The following UTRN variants were observed in gnomAD, a reference collection of about 807,000 sequenced individuals.
The protein encoded by UTRN is utrophin.
In UTRN, 283 loss-of-function variants were observed where a neutral mutation model predicts 463.9. That is an observed-to-expected ratio of 0.61 (90% CI 0.55 to 0.67). UTRN has a LOEUF of 0.67. Ranked by LOEUF, UTRN falls within the 30% of genes least tolerant of loss-of-function variation. UTRN has a pLI of 0.00. For missense variants in UTRN, 3,922 were observed against 4,084.3 expected (o/e 0.96, Z 1.08); for synonymous variants, 1,442 against 1,431.5 (o/e 1.01, Z -0.17).
At chr6:144,480,188 C>T (rs564334129) in intron 26 of UTRN, among the ~76,000 whole-genome samples, 1 of 152,276 alleles carries the variant, frequency 6.6e-6, no homozygotes, top group East Asian at 1.9e-4. Flanking sequence ...TGGCTTGGCC[C>T]ATGAGTTGAG....
At position 144,447,765 on chromosome 6, in the gene UTRN, A is replaced by C; in HGVS notation, c.1886A>C (p.Glu629Ala). Residue 629 changes from glutamate (E) to alanine (A), a missense_variant, in exon 16 of 75, where the codon GAA (glutamate) becomes GCA (alanine). Around this residue, in one of 3 missense-constraint regions of UTRN, gnomAD observed 2,349 missense variants for 2,303.8 expected, o/e 1.02. Coordinates refer to ENST00000367545, the MANE Select transcript of UTRN (RefSeq NM_007124.3). The stretch of plus-strand genomic sequence containing the variant: ...TGGGATTCTTTGGTTCAGAGACTAG[A>C]AGATTCCTCCAACCAGGTACTTTTT... Reference protein sequence around the residue: ...QRWDSLVQRLEDSSNQVTQAV... With the variant: ...QRWDSLVQRLADSSNQVTQAV... 1.2e-6 allele frequency: 2 copies of C among 1,611,816 alleles called. No individual in the cohort carries two copies. Among genetic ancestry groups the C allele is most frequent in the South Asian group, 2.2e-5 (2 of 90,490 alleles).
At chr6:144,668,995 A>G (rs1170951805) in intron 51 of UTRN, among the ~76,000 whole-genome samples, 2 of 152,188 alleles carry the variant, frequency 1.3e-5, no homozygotes, top group African/African-American at 2.4e-5. Flanking sequence ...ATAGCCATGG[A>G]GACTCACACC....
At chr6:144,295,534 G>A (rs1804603158) in intron 2 of UTRN, among the ~76,000 whole-genome samples, 1 of 152,216 alleles carries the variant, frequency 6.6e-6, no homozygotes, top group South Asian at 2.1e-4. Context: ...TTCTTCAAGC[G>A]ACCTTGGGCT....
chr6:144,450,485 A>G (rs1399787937), intron 17 of UTRN, among the ~76,000 whole-genome samples: 15 of 152,202 alleles, frequency 9.9e-5, no homozygotes, highest in Admixed American at 9.8e-4. Context: ...GAAGCCATCC[A>G]TGCCCCAATT....
chr6:144,321,270 A>G (rs1485303428), intron 2 of UTRN, among the ~76,000 whole-genome samples: 1 of 152,136 alleles, frequency 6.6e-6, no homozygotes, highest in South Asian at 2.1e-4. Context: ...GTTTGTCTAT[A>G]TACATACATA....
chr6:144,510,875 A>G, intron 34 of UTRN, 69 bp from the exon 35 acceptor site: 1 of 1,320,118 alleles, frequency 7.6e-7, no homozygotes, highest in Non-Finnish European at 9.9e-7. Flanking sequence ...GTTTTTAATA[A>G]TTTAAGGTTG....
Position 144,391,064 on chromosome 6 carries a change from A to G in UTRN, c.80-12059A>G, listed in dbSNP as rs112264366. On this transcript the variant is annotated intron_variant, in intron 2 of 74. Coordinates refer to ENST00000367545, the MANE Select transcript of UTRN (RefSeq NM_007124.3). Reference sequence around the variant, plus strand: ...ACAACAAACATAACAAAGAGTTGGAAATATTCCCAGTTCTTTTTTTTTTTT... The same window carrying G: ...ACAACAAACATAACAAAGAGTTGGAGATATTCCCAGTTCTTTTTTTTTTTT... Among the ~76,000 whole-genome samples the G allele has an allele frequency of 8.3e-3, 1,256 of 152,222 alleles. 17 individuals are homozygous for G. Among genetic ancestry groups the G allele is most frequent in the African/African-American group, 0.028 (1,169 of 41,552 alleles).
At chr6:144,621,553 A>G (rs142362297) in intron 51 of UTRN, among the ~76,000 whole-genome samples, 11 of 152,162 alleles carry the variant, frequency 7.2e-5, no homozygotes, top group African/African-American at 2.2e-4. Context: ...CTCTTCTCAG[A>G]TTTGTATATT....
At chr6:144,660,917 A>T (rs1165162903) in intron 51 of UTRN, among the ~76,000 whole-genome samples, 1 of 152,208 alleles carries the variant, frequency 6.6e-6, no homozygotes. Context: ...CACAATCTAG[A>T]TGGAGTCTAG....
chr6:144,819,511 A>G lies in UTRN; in HGVS notation c.9358-1371A>G, dbSNP rs188165915. 3.3e-5 allele frequency among the ~76,000 whole-genome samples: 5 copies of G among 152,220 alleles called. No individual in the cohort carries two copies. In the East Asian group the frequency reaches 9.7e-4, roughly 30 times the overall value. ...GGAGTTTGAGACCAGCCTGGCCAAC[A>G]TGGTGAAACCCCGTCTACTAAAAAT... On this transcript the variant is annotated intron_variant, in intron 65 of 74. Transcript: ENST00000367545.
At chr6:144,402,946 T>C (rs1052316839) in intron 2 of UTRN, among the ~76,000 whole-genome samples, 177 bp from the exon 3 acceptor site, 2 of 152,074 alleles carry the variant, frequency 1.3e-5, no homozygotes, top group Non-Finnish European at 2.9e-5. Flanking sequence ...AGTGTTGGGC[T>C]CCATAAGTGT....
intron 19 of UTRN, among the ~76,000 whole-genome samples, chr6:144,458,482 C>A (rs1789095585): frequency 6.6e-6 from 1 of 152,100 alleles, no homozygotes; most frequent in South Asian, 2.1e-4. Context: ...AGAAGCATGG[C>A]ATGGATGGAA....
At chr6:144,408,802 G>A (rs1291685805) in intron 3 of UTRN, among the ~76,000 whole-genome samples, 1 of 152,224 alleles carries the variant, frequency 6.6e-6, no homozygotes, top group Non-Finnish European at 1.5e-5. Flanking sequence ...GGGAAAAGAT[G>A]TGGAGGGAGA....
At chr6:144,537,841 A>C in intron 44 of UTRN, 124 bp downstream of exon 44, 1 of 1,343,342 alleles carries the variant, frequency 7.4e-7, no homozygotes, top group Non-Finnish European at 1.0e-6. Flanking sequence ...AATGTGGTGA[A>C]CCTGAAAGAG....
chr6:144,529,769 A>T (rs1196417810), intron 41 of UTRN, among the ~76,000 whole-genome samples: 1 of 152,028 alleles, frequency 6.6e-6, no homozygotes, highest in African/African-American at 2.4e-5. Flanking sequence ...GGGGTTATTG[A>T]TATTAGGAGC....
intron 3 of UTRN, among the ~76,000 whole-genome samples, chr6:144,416,361 C>T (rs1253020449): frequency 6.6e-6 from 1 of 152,088 alleles, no homozygotes. Flanking sequence ...ATATGGCCAC[C>T]CTTAGCTAGA....
chr6:144,695,095 G>C (rs1454963757), intron 52 of UTRN, among the ~76,000 whole-genome samples: 1 of 151,506 alleles, frequency 6.6e-6, no homozygotes, highest in East Asian at 1.9e-4. Flanking sequence ...TGATATTAAA[G>C]TTTTATAGCA....
chr6:144,332,888 C>T (rs1776436690), intron 2 of UTRN, among the ~76,000 whole-genome samples: 1 of 151,402 alleles, frequency 6.6e-6, no homozygotes, highest in Admixed American at 6.6e-5. Flanking sequence ...GTAATGTTCT[C>T]ATGCTGATAT....
At chr6:144,582,764 T>A (rs1354057656) in intron 51 of UTRN, among the ~76,000 whole-genome samples, 1 of 152,152 alleles carries the variant, frequency 6.6e-6, no homozygotes, top group African/African-American at 2.4e-5. Flanking sequence ...GCTTTTAGGG[T>A]GTCTTAGTCA....
Sources: allele counts gnomAD v4.1 joint callset (sites outside exome capture counted in the v4.1 genomes callset), GRCh38; gene constraint gnomAD v4.1.1; regional missense constraint gnomAD v4.1.1; transcripts MANE v1.5; gene names NCBI Gene and HGNC (gene_info 2026-07-23, HGNC 2026-07-21).